Variants in MARCHF10 observed in about 807,000 individuals in gnomAD.
The protein encoded by MARCHF10 is probable E3 ubiquitin-protein ligase MARCHF10.
In MARCHF10, 64 loss-of-function variants were observed where a neutral mutation model predicts 76.2. The ratio of observed to expected loss-of-function variants is 0.84; its 90% CI spans 0.69 to 1.03. The LOEUF (loss-of-function observed/expected upper bound fraction) is 1.03, where lower values mean the gene tolerates loss of function less well. Ranked by LOEUF, MARCHF10 falls within the 50% of genes least tolerant of loss-of-function variation. The pLI, the probability that MARCHF10 is intolerant of heterozygous loss-of-function variation, is 0.00. For missense variants in MARCHF10, 875 were observed against 958.0 expected (o/e 0.91, Z 1.14); for synonymous variants, 340 against 357.5 (o/e 0.95, Z 0.55).
At chr17:62,804,445 T>C (rs896410281) in intron 1 of MARCHF10, among the ~76,000 whole-genome samples, 47 of 151,960 alleles carry the variant, frequency 3.1e-4, no homozygotes, top group African/African-American at 1.1e-3. Flanking sequence ...AGAGAAACTC[T>C]GCGGAAAAAA....
At chr17:62,752,421 G>A (rs1015065066) in intron 4 of MARCHF10, among the ~76,000 whole-genome samples, 5 of 152,298 alleles carry the variant, frequency 3.3e-5, no homozygotes, top group Admixed American at 2.6e-4. Context: ...TGCCCTGCCT[G>A]CAGCTCAAAG....
chr17:62,787,781 T>C (rs1004478353), intron 3 of MARCHF10, among the ~76,000 whole-genome samples: 10 of 150,590 alleles, frequency 6.6e-5, no homozygotes, highest in African/African-American at 2.5e-4. Flanking sequence ...TAGATAAGGA[T>C]AGGTGATAGA....
chr17:62,777,627 G>A (rs1363659332), intron 3 of MARCHF10, among the ~76,000 whole-genome samples: 1 of 136,750 alleles, frequency 7.3e-6, no homozygotes, highest in Non-Finnish European at 1.5e-5. Flanking sequence ...GCTGAGGCAC[G>A]AGAATCACTT....
At chr17:62,761,583 G>A (rs1051184192) in intron 3 of MARCHF10, among the ~76,000 whole-genome samples, 10 of 151,844 alleles carry the variant, frequency 6.6e-5, no homozygotes, top group East Asian at 1.9e-4. Context: ...CATCATACCC[G>A]GCTAATTTTT....
rs2093043895 is a variant in MARCHF10, at chr17:62,799,837, G to A, written c.90+1809C>T. 2.6e-5 allele frequency among the ~76,000 whole-genome samples: 4 copies of A among 151,886 alleles called. 1 individual carries two copies. The South Asian group carries it at 8.3e-4, about 31-fold the overall frequency. On this transcript the variant is annotated intron_variant, in intron 2 of 10. Transcript: ENST00000311269. ...TTCCGTACTTTCCCTGGGTTCATGTGTTCCAGCCCCTCTGGCTAACTTTGG... is the reference window on the plus strand; with the variant it reads ...TTCCGTACTTTCCCTGGGTTCATGTATTCCAGCCCCTCTGGCTAACTTTGG...
In MARCHF10 at chr17:62,722,828, G is replaced by T. The variant is rs558524591; in HGVS notation, c.2105-231C>A. Among the ~76,000 whole-genome samples the T allele has an allele frequency of 3.3e-5, 5 of 152,144 alleles. No individual in the cohort carries two copies. In the East Asian group the frequency reaches 9.7e-4, roughly 29 times the overall value. On this transcript the variant is annotated intron_variant, in intron 7 of 10. Transcript: ENST00000311269. Reference sequence around the variant, plus strand: ...AGCTTCATAGAAGTGAAATTCCCACGACTTTTAAATAGCAGATCTTGCTTT... The same window carrying T: ...AGCTTCATAGAAGTGAAATTCCCACTACTTTTAAATAGCAGATCTTGCTTT...
At chr17:62,784,088 C>A (rs1011044643) in intron 3 of MARCHF10, among the ~76,000 whole-genome samples, 1 of 152,110 alleles carries the variant, frequency 6.6e-6, no homozygotes, top group Non-Finnish European at 1.5e-5. Flanking sequence ...GAATTTTAGA[C>A]CAGTATCCCT....
At chr17:62,766,222 C>T (rs751965110) in intron 3 of MARCHF10, among the ~76,000 whole-genome samples, 17 of 151,094 alleles carry the variant, frequency 1.1e-4, no homozygotes, top group South Asian at 2.1e-4. Flanking sequence ...TAATTGGGGC[C>T]GGACGCGGTG....
At chr17:62,715,123 A>G (rs572368834) in intron 8 of MARCHF10, among the ~76,000 whole-genome samples, 1 of 152,210 alleles carries the variant, frequency 6.6e-6, no homozygotes, top group Non-Finnish European at 1.5e-5. Flanking sequence ...ACTTCTAACA[A>G]GTTCCCAGAT....
chr17:62,743,744 C>G (rs1389189993), intron 5 of MARCHF10, among the ~76,000 whole-genome samples: 2 of 152,144 alleles, frequency 1.3e-5, no homozygotes, highest in Admixed American at 1.3e-4. Flanking sequence ...GGGTCTATGG[C>G]CAGGTTGACT....
chr17:62,733,288 A>G (rs556383484), intron 6 of MARCHF10, among the ~76,000 whole-genome samples: 8 of 152,208 alleles, frequency 5.3e-5, no homozygotes, highest in Admixed American at 5.2e-4. Flanking sequence ...GTGAGACCCC[A>G]TCTCTACAAA....
At chr17:62,703,946 G>T (rs556210677) in intron 10 of MARCHF10, among the ~76,000 whole-genome samples, 1 of 152,304 alleles carries the variant, frequency 6.6e-6, no homozygotes, top group Admixed American at 6.5e-5. Context: ...CTGGGCACTA[G>T]GGGTCGCCCC....
At chr17:62,801,040 C>T (rs1213997600) in intron 2 of MARCHF10, among the ~76,000 whole-genome samples, 4 of 152,182 alleles carry the variant, frequency 2.6e-5, no homozygotes, top group African/African-American at 9.7e-5. Context: ...CCTAATGCCA[C>T]TGGTGGACAA....
chr17:62,701,631 G>T lies in MARCHF10; in HGVS notation c.*72C>A, dbSNP rs1306466221. On this transcript the variant is annotated 3_prime_UTR_variant, in exon 11 of 11. Coordinates refer to ENST00000311269, the MANE Select transcript of MARCHF10 (RefSeq NM_152598.4). ...GTTTCAGTAAAGAGGAGGAGGGAGG[G>T]AGGCACTTGGGGACGTAGAAAGAAG... is the stretch of plus-strand genomic sequence containing the variant. 1.2e-5 allele frequency: 19 copies of T among 1,611,418 alleles called. No individual in the cohort carries two copies. Among genetic ancestry groups the T allele is most frequent in the Non-Finnish European group, 1.4e-5 (17 of 1,179,480 alleles).
chr17:62,748,334 T>G (rs1056298181), intron 4 of MARCHF10, among the ~76,000 whole-genome samples: 2 of 149,042 alleles, frequency 1.3e-5, no homozygotes, highest in African/African-American at 2.5e-5. Flanking sequence ...GAGGCGGAGG[T>G]TGCAGTGAGC....
At chr17:62,774,619 A>G (rs1032232519) in intron 3 of MARCHF10, among the ~76,000 whole-genome samples, 1 of 152,120 alleles carries the variant, frequency 6.6e-6, no homozygotes, top group African/African-American at 2.4e-5. Flanking sequence ...GGGAGGATGC[A>G]CTGCTCACCG....
intron 3 of MARCHF10, among the ~76,000 whole-genome samples, chr17:62,772,887 C>T (rs1440737941): frequency 6.6e-6 from 1 of 152,146 alleles, no homozygotes; most frequent in Non-Finnish European, 1.5e-5. Flanking sequence ...ACCCTTTACA[C>T]CCATCGCTTG....
At position 62,733,326 on chromosome 17, in the gene MARCHF10, AT is replaced by A. The variant is rs554442311; in HGVS notation, c.1937+2604del. 4.9e-3 allele frequency among the ~76,000 whole-genome samples: 753 copies of A among 152,262 alleles called. 10 individuals carry two copies. Among genetic ancestry groups the A allele is most frequent in the African/African-American group, 0.017 (721 of 41,550 alleles). On this transcript the variant is annotated intron_variant, in intron 6 of 10. Transcript: ENST00000311269. The stretch of plus-strand genomic sequence containing the variant: ...AATAAAGACATCAATATTTCACAGA[AT>A]GGAAAACACAAATGGTCATTTAATA...
rs151169275 is a variant in MARCHF10 at position 62,762,695 on chromosome 17, C to T, written c.211-2689G>A. 8.3e-3 allele frequency among the ~76,000 whole-genome samples: 1,263 copies of T among 152,248 alleles called. 13 individuals are homozygous for T. Among genetic ancestry groups the T allele is most frequent in the African/African-American group, 0.029 (1,187 of 41,530 alleles). Reference sequence around the variant, plus strand: ...CTGAGTAGCTGGGACTACAGGCACACGCACCATGCCTGGCTAATTTTCTGT... The same window carrying T: ...CTGAGTAGCTGGGACTACAGGCACATGCACCATGCCTGGCTAATTTTCTGT... On this transcript the variant is annotated intron_variant, in intron 3 of 10. Coordinates refer to ENST00000311269, the MANE Select transcript of MARCHF10 (RefSeq NM_152598.4).
Sources: allele counts gnomAD v4.1 joint callset (sites outside exome capture counted in the v4.1 genomes callset), GRCh38; gene constraint gnomAD v4.1.1; transcripts MANE v1.5; gene names NCBI Gene and HGNC (gene_info 2026-07-23, HGNC 2026-07-21).